CSF1R: variants seen among roughly 807,000 people sequenced by gnomAD.
CSF1R encodes the protein macrophage colony-stimulating factor 1 receptor.
In CSF1R, 40 loss-of-function variants were observed where a neutral mutation model predicts 110.0. The observed-to-expected ratio is 0.36, with a 90% confidence interval of 0.28 to 0.47. CSF1R has a LOEUF of 0.47. Among genes scored for constraint, CSF1R ranks in the 20% least tolerant of loss-of-function variants. The pLI, the probability that CSF1R is intolerant of heterozygous loss-of-function variation, is 0.99. For synonymous variants in CSF1R, 523 were observed against 503.4 expected, an observed-to-expected ratio of 1.04 and a Z score of -0.52; for missense variants, 1,052 against 1,253.0, an observed-to-expected ratio of 0.84 and a Z score of 2.42.
intron 12 of CSF1R, 21 bp downstream of exon 12, chr5:150,061,470 T>G: frequency 1.9e-5 from 7 of 366,178 alleles, no homozygotes; most frequent in African/African-American, 5.7e-5. Context: ...ATCCCTTCCC[T>G]CATCCCCTCC....
At chr5:150,077,698 G>A (rs1036078917) in intron 4 of CSF1R, among the ~76,000 whole-genome samples, 15 of 152,168 alleles carry the variant, frequency 9.9e-5, no homozygotes, top group Admixed American at 9.8e-4. Flanking sequence ...GCAGCCCAAC[G>A]TGAGTCCCTC....
intron 1 of CSF1R, 34 bp downstream of exon 1, chr5:150,086,345 C>T: frequency 6.3e-7 from 1 of 1,581,716 alleles, no homozygotes; most frequent in African/African-American, 1.3e-5. Flanking sequence ...CATCACACCC[C>T]AACAAAGTCC....
Position 150,069,979 on chromosome 5 carries a change from C to T in CSF1R, c.1404G>A (p.Val468=), listed in dbSNP as rs201654254. 107 of 1,614,176 alleles carry T rather than the reference C, an allele frequency of 6.6e-5. No individual in the cohort carries two copies. The highest frequency in any genetic ancestry group is 3.2e-4 in the Admixed American group (19 of 60,026). ...LSQEPFHKVT[V]QSLLTVETLE... is the part of the protein sequence containing the mutation. ...AGGTCTCAACAGTCAGCAGGCTCTG[C>T]ACCGTCACCTTGTGGAAGGGCTCCT... The change falls in exon 9 of 21, where the codon GTG becomes GTA. Residue 468 remains valine, a synonymous_variant. Transcript: ENST00000675795.
chr5:150,094,043 A>C (rs1402921964), intron 1 of CSF1R, among the ~76,000 whole-genome samples: 1 of 150,662 alleles, frequency 6.6e-6, no homozygotes, highest in Non-Finnish European at 1.5e-5. Context: ...AGCCTGGGCA[A>C]CAAGAGTGAA....
intron 18 of CSF1R, 143 bp downstream of exon 18, chr5:150,055,883 A>G (rs1581279318): frequency 2.9e-6 from 2 of 696,586 alleles, no homozygotes. Flanking sequence ...AGGAGCCACG[A>G]TGCTGGGTTT....
At position 150,061,609 on chromosome 5, in the gene CSF1R, A is replaced by G. The variant is rs1251537542; in HGVS notation, c.1754-14T>C. 6.2e-7 allele frequency: 1 copy of G among 1,613,862 alleles called. No homozygotes were observed. Among genetic ancestry groups the G allele is most frequent in the African/African-American group, 1.3e-5 (1 of 74,876 alleles). On this transcript the variant is annotated splice_polypyrimidine_tract_variant and intron_variant, in intron 11 of 20. Transcript: ENST00000675795. ...CGAGGGTCTTACCTGCCACGCACAC[A>G]GGTCCCTTAAGTCCCTGGGCACCAA...
At chr5:150,074,546 A>T (rs1354610550) in intron 5 of CSF1R, among the ~76,000 whole-genome samples, 1 of 152,058 alleles carries the variant, frequency 6.6e-6, no homozygotes, top group East Asian at 1.9e-4. Context: ...CAGGCAAGGG[A>T]ATTGTGGCAA....
intron 3 of CSF1R, 44 bp downstream of exon 3, chr5:150,080,008 C>G: frequency 6.3e-7 from 1 of 1,589,634 alleles, no homozygotes. Context: ...GGCTCTCTGT[C>G]CCCACTCTTC....
chr5:150,098,398 A>G (rs901388127), intron 1 of CSF1R: 2 of 152,606 alleles, frequency 1.3e-5, no homozygotes, highest in African/African-American at 4.8e-5. Flanking sequence ...ATAAAAGAAA[A>G]AAAAATAGGC....
chr5:150,071,133 T>TGAGGA (rs1265832284), intron 6 of CSF1R, among the ~76,000 whole-genome samples: 1 of 152,200 alleles, frequency 6.6e-6, no homozygotes, highest in Non-Finnish European at 1.5e-5. Flanking sequence ...AGGCTTGGCT[T>TGAGGA]GAGGATTAAA....
At chr5:150,088,529 T>TTTTTC (rs1554104823), upstream of CSF1R, among the ~76,000 whole-genome samples, 15 of 152,046 alleles carry the variant, frequency 9.9e-5, no homozygotes, top group African/African-American at 3.1e-4. Flanking sequence ...CTTTTTTTTT[T>TTTTTC]TTTCTTTCTT....
In CSF1R at chr5:150,055,962, C is replaced by T. The variant is rs1029142740; in HGVS notation, c.2554+64G>A. 26 of 1,468,230 alleles carry T rather than the reference C, an allele frequency of 1.8e-5. No homozygotes were observed. The Admixed American group carries it at 4.7e-4, about 27-fold the overall frequency. The allele number at this position is 1,468,230 out of a possible 1,614,324, so 91.0% of individuals were successfully genotyped here. Reference sequence around the variant, plus strand: ...TGTCCTGGGCACCAAACAGCTTTGTCCACCAGTGGGGCAACCAGAGGAGCC... The same window carrying T: ...TGTCCTGGGCACCAAACAGCTTTGTTCACCAGTGGGGCAACCAGAGGAGCC... On this transcript the variant is annotated intron_variant, in intron 18 of 20. Transcript: ENST00000675795.
intron 19 of CSF1R, 138 bp from the exon 20 acceptor site, chr5:150,054,568 T>G: frequency 3.1e-6 from 2 of 644,874 alleles, no homozygotes; most frequent in Non-Finnish European, 5.3e-6. Context: ...CTATGCCAAG[T>G]CCTTGGCATG....
At chr5:150,105,384 A>ATTTTT (rs35556562) in intron 1 of CSF1R, among the ~76,000 whole-genome samples, 3 of 84,248 alleles carry the variant, frequency 3.6e-5, no homozygotes, top group Non-Finnish European at 6.4e-5. Flanking sequence ...ATATATATAT[A>ATTTTT]TTTTTTTTTT....
In CSF1R at chr5:150,054,893, G is replaced by A. The variant is rs1396175678; in HGVS notation, c.2654+344C>T. 1.5e-5 allele frequency: 4 copies of A among 274,306 alleles called. No homozygotes were observed. In the East Asian group the frequency reaches 2.5e-4, roughly 17 times the overall value. The allele number at this position is 274,306 out of a possible 1,614,324, so 17.0% of individuals were successfully genotyped here. On this transcript the variant is annotated intron_variant, in intron 19 of 20. Transcript: ENST00000675795. ...TAGTCCCAGCTGTTTGGGAGGCTGA[G>A]GCCAAAGGATTGCTTGAGCCCTGAA...
At chr5:150,083,396 ACACACT>A (rs1316090760) in intron 1 of CSF1R, among the ~76,000 whole-genome samples, 2 of 142,178 alleles carry the variant, frequency 1.4e-5, no homozygotes, top group Admixed American at 1.4e-4. Flanking sequence ...ACACACACAC[ACACACT>A]GCACACTAAG....
chr5:150,059,600 C>A lies in CSF1R; in HGVS notation c.2132+100G>T. On this transcript the variant is annotated intron_variant, in intron 14 of 20. Coordinates refer to ENST00000675795, the MANE Select transcript of CSF1R (RefSeq NM_001288705.3). ...AGGTGGCAGGTGAGGGCTGCATAGC[C>A]ACCCATTCATGAGCCATCCAACCCT... 3 of 1,418,018 alleles carry A rather than the reference C, an allele frequency of 2.1e-6. No homozygotes were observed. The Admixed American group carries it at 5.5e-5, about 26-fold the overall frequency. The allele number at this position is 1,418,018 out of a possible 1,614,324, so 87.8% of individuals were successfully genotyped here.
chr5:150,090,516 T>C (rs571696825), upstream of CSF1R, among the ~76,000 whole-genome samples: 1 of 152,182 alleles, frequency 6.6e-6, no homozygotes, highest in Non-Finnish European at 1.5e-5. Context: ...TTTTCCACAA[T>C]GTCTTTGTGC....
chr5:150,086,295 G>T, intron 1 of CSF1R, 84 bp downstream of exon 1: 2 of 1,393,574 alleles, frequency 1.4e-6, no homozygotes, highest in Non-Finnish European at 9.9e-7. Flanking sequence ...AGGACACCCA[G>T]TGAGGGGCAA....
Sources: allele counts gnomAD v4.1 joint callset (sites outside exome capture counted in the v4.1 genomes callset), GRCh38; gene constraint gnomAD v4.1.1; transcripts MANE v1.5; gene names NCBI Gene and HGNC (gene_info 2026-07-23, HGNC 2026-07-21).